The following MCF2L2 variants were observed in gnomAD, a reference collection of about 807,000 sequenced individuals.
MCF2L2 encodes MCF.2 cell line derived transforming sequence-like 2.
A neutral mutation model predicts 150.2 loss-of-function variants in MCF2L2; 102 were observed. The ratio of observed to expected loss-of-function variants is 0.68; its 90% CI spans 0.58 to 0.80. The LOEUF is 0.80. Ranked by LOEUF, MCF2L2 falls within the 30% of genes least tolerant of loss-of-function variation. MCF2L2 has a pLI of 0.00. For missense variants in MCF2L2, 1,256 were observed against 1,372.8 expected, an observed-to-expected ratio of 0.91 and a Z score of 1.34; for synonymous variants, 465 against 491.3, an observed-to-expected ratio of 0.95 and a Z score of 0.71.
intron 10 of MCF2L2, 103 bp from the exon 11 acceptor site, chr3:183,300,299 A>G: frequency 9.6e-7 from 1 of 1,036,874 alleles, no homozygotes; most frequent in Non-Finnish European, 1.3e-6. Flanking sequence ...GGCTGTGGAG[A>G]TGCTAACCCA....
intron 5 of MCF2L2, among the ~76,000 whole-genome samples, chr3:183,336,898 G>A (rs1730506478): frequency 6.7e-6 from 1 of 149,952 alleles, no homozygotes; most frequent in African/African-American, 2.4e-5. Context: ...ATATTTCCTA[G>A]AAAGTTCCTT....
Position 183,206,301 on chromosome 3 carries a change from C to T in MCF2L2, c.2713-87G>A. On this transcript the variant is annotated intron_variant, in intron 23 of 29. Coordinates refer to ENST00000328913, the MANE Select transcript of MCF2L2 (RefSeq NM_015078.4). ...TGTCAATCACTCTAATCCTTTCTAT[C>T]CTTGACAGCTCTCTTCTTTCATCTT... The T allele has an allele frequency of 6.2e-6, 6 of 963,842 alleles. No individual in the cohort carries two copies. The South Asian group carries it at 6.6e-5, about 11-fold the overall frequency. 59.7% of individuals were successfully genotyped at this position (963,842 alleles called of 1,614,324 possible).
intron 5 of MCF2L2, 132 bp downstream of exon 5, chr3:183,338,668 G>GGAA: frequency 1.2e-6 from 1 of 812,232 alleles, no homozygotes; most frequent in Non-Finnish European, 1.8e-6. Flanking sequence ...TCACACATGC[G>GGAA]GTTCCCTCAG....
Position 183,179,922 on chromosome 3 carries a change from GGT to G in MCF2L2, c.3105+147_3105+148del. 2 of 764,636 alleles carry G rather than the reference GGT, an allele frequency of 2.6e-6. No individual in the cohort carries two copies. The highest frequency in any genetic ancestry group is 3.3e-5 in the South Asian group (2 of 61,148). The allele number at this position is 764,636 out of a possible 1,614,324, so 47.4% of individuals were successfully genotyped here. A position where few individuals can be genotyped will look rare whatever the true frequency, so the allele number is the denominator to read the frequency against. On this transcript the variant is annotated intron_variant, in intron 28 of 29. Transcript: ENST00000328913. This position sits in a 1 kb window ranked among gnomAD's most constrained non-coding sequence, Gnocchi z 4.2. ...AGGGTCAGAGCCAGTTTGAGGGTCT[GGT>G]GACCTCGGCTCCCTGGCTTAACCAG...
chr3:183,337,328 G>A (rs537471748), intron 5 of MCF2L2, among the ~76,000 whole-genome samples: 234 of 152,178 alleles, frequency 1.5e-3, no homozygotes, highest in African/African-American at 5.2e-3. Context: ...AGGCTGAAGC[G>A]GGTGGATTAC....
intron 7 of MCF2L2, among the ~76,000 whole-genome samples, chr3:183,313,299 C>A (rs190847410): frequency 2.0e-4 from 31 of 151,752 alleles, no homozygotes; most frequent in African/African-American, 7.3e-4. Context: ...GGTGGAGAGG[C>A]TAAAGGAGAA....
chr3:183,309,661 C>T, intron 10 of MCF2L2, 55 bp downstream of exon 10: 3 of 1,607,780 alleles, frequency 1.9e-6, no homozygotes, highest in Non-Finnish European at 2.6e-6. Context: ...GGACATGATC[C>T]ATCATTGTCC....
chr3:183,222,149 T>G (rs1723171302), intron 20 of MCF2L2, among the ~76,000 whole-genome samples: 1 of 152,108 alleles, frequency 6.6e-6, no homozygotes, highest in Non-Finnish European at 1.5e-5. Flanking sequence ...ACTACAGGTG[T>G]GTGTTATCAT....
intron 15 of MCF2L2, among the ~76,000 whole-genome samples, chr3:183,232,234 A>T (rs1487539638): frequency 2.6e-5 from 4 of 152,202 alleles, no homozygotes; most frequent in Non-Finnish European, 5.9e-5. Flanking sequence ...AAGGAAGGGA[A>T]ATCAGTCCTA....
chr3:183,259,400 CTTA>C (rs1725378602), intron 15 of MCF2L2, among the ~76,000 whole-genome samples: 1 of 152,144 alleles, frequency 6.6e-6, no homozygotes, highest in Non-Finnish European at 1.5e-5. Flanking sequence ...AATTCTTACT[CTTA>C]TTGATAGGAG....
chr3:183,354,784 T>C (rs1711661494), intron 3 of MCF2L2, among the ~76,000 whole-genome samples: 1 of 152,224 alleles, frequency 6.6e-6, no homozygotes, highest in African/African-American at 2.4e-5. Context: ...CCTGAGGCTG[T>C]GTCATGGCGT....
intron 12 of MCF2L2, chr3:183,296,338 CCTCT>C (rs1167156550): frequency 6.5e-6 from 1 of 152,758 alleles, no homozygotes; most frequent in South Asian, 2.1e-4. Flanking sequence ...ACCTTGCCTG[CCTCT>C]CTCTAACCTC....
chr3:183,412,362 TC>T (rs986795599), intron 1 of MCF2L2, among the ~76,000 whole-genome samples: 3 of 152,170 alleles, frequency 2.0e-5, no homozygotes, highest in African/African-American at 7.2e-5. Context: ...TGGTGCGATC[TC>T]AGCTCACTGC....
intron 5 of MCF2L2, among the ~76,000 whole-genome samples, chr3:183,333,508 C>T (rs16857331): frequency 0.26 from 39,493 of 152,048 alleles, 7,370 homozygotes; most frequent in African/African-American, 0.53. Flanking sequence ...AGAAGGCAAC[C>T]ACTTTAACCA....
intron 1 of MCF2L2, among the ~76,000 whole-genome samples, chr3:183,411,733 G>A (rs901423859): frequency 2.0e-5 from 3 of 151,978 alleles, no homozygotes; most frequent in Non-Finnish European, 4.4e-5. Flanking sequence ...CAGACTCCCT[G>A]ACATCAGAGG....
chr3:183,386,019 T>G (rs1007924970), intron 2 of MCF2L2, among the ~76,000 whole-genome samples: 2 of 152,200 alleles, frequency 1.3e-5, no homozygotes, highest in African/African-American at 4.8e-5. Context: ...AGCCTTAATG[T>G]CATTGAGCCA....
chr3:183,195,275 A>G lies in MCF2L2; in HGVS notation c.2885-20T>C. On this transcript the variant is annotated intron_variant, in intron 25 of 29. Coordinates refer to ENST00000328913, the MANE Select transcript of MCF2L2 (RefSeq NM_015078.4). ...CTTGGTCTAAAATTTTAAAAAACAAAAAACAGCACTCTCAAATTTAAGCTA... is the reference window on the plus strand; with the variant it reads ...CTTGGTCTAAAATTTTAAAAAACAAGAAACAGCACTCTCAAATTTAAGCTA... 2.5e-6 allele frequency: 4 copies of G among 1,585,598 alleles called. No homozygotes were observed. In the African/African-American group the frequency reaches 5.4e-5, roughly 21 times the overall value.
Position 183,428,071 on chromosome 3 carries a change from T to G in MCF2L2, c.-94A>C, listed in dbSNP as rs1716269009. On this transcript the variant is annotated 5_prime_UTR_variant, in exon 1 of 30. Coordinates refer to ENST00000328913, the MANE Select transcript of MCF2L2 (RefSeq NM_015078.4). This position sits in a 1 kb window ranked among gnomAD's most constrained non-coding sequence, Gnocchi z 5.1. The stretch of plus-strand genomic sequence containing the variant: ...TTTTAAAGGCATCTCCGCCCAAGGA[T>G]GCTCTGCCCTCGCCCTCTTCCTGGC... The G allele has an allele frequency of 2.1e-6, 2 of 935,074 alleles. No individual in the cohort carries two copies. The highest frequency in any genetic ancestry group is 1.6e-5 in the African/African-American group (1 of 61,904). The allele number at this position is 935,074 out of a possible 1,614,324, so 57.9% of individuals were successfully genotyped here. A position where few individuals can be genotyped will look rare whatever the true frequency, so the allele number is the denominator to read the frequency against.
At chr3:183,190,638 A>T (rs567071951) in intron 27 of MCF2L2, among the ~76,000 whole-genome samples, 75 of 152,288 alleles carry the variant, frequency 4.9e-4, no homozygotes, top group African/African-American at 1.7e-3. Context: ...CTGAATCAGT[A>T]AGCCATTGGT....
Sources: gnomAD v4.1 joint callset for allele counts (sites outside exome capture counted in the v4.1 genomes callset) on GRCh38, gnomAD v4.1.1 for gene constraint, Gnocchi (gnomAD v3.1) non-coding constraint, MANE v1.5 for transcripts, NCBI Gene and HGNC (gene_info 2026-07-23, HGNC 2026-07-21) for gene names.